TLK1: variants seen among roughly 807,000 people sequenced by gnomAD.
TLK1 encodes the protein serine/threonine-protein kinase tousled-like 1.
A neutral mutation model predicts 105.3 loss-of-function variants in TLK1; 24 were observed. The ratio of observed to expected loss-of-function variants is 0.23; its 90% CI spans 0.17 to 0.32. The LOEUF is 0.32. TLK1 is among the 10% of genes least tolerant of loss of function. The pLI is 1.00. For missense variants in TLK1, 558 were observed against 910.5 expected (o/e 0.61, Z 4.98); for synonymous variants, 321 against 310.4 (o/e 1.03, Z -0.36).
intron 1 of TLK1, among the ~76,000 whole-genome samples, chr2:171,144,437 T>C (rs796929139): frequency 2.8e-4 from 42 of 152,074 alleles, no homozygotes; most frequent in African/African-American, 9.9e-4. Context: ...AAAACCAGCA[T>C]CAACAAACTG....
chr2:171,137,330 A>G (rs1691367518), intron 1 of TLK1, among the ~76,000 whole-genome samples: 1 of 152,150 alleles, frequency 6.6e-6, no homozygotes, highest in Non-Finnish European at 1.5e-5. Flanking sequence ...ATCCCAAATA[A>G]GGAATTAGAT....
At chr2:171,071,388 C>T (rs960632685) in intron 3 of TLK1, among the ~76,000 whole-genome samples, 2 of 152,048 alleles carry the variant, frequency 1.3e-5, no homozygotes, top group Non-Finnish European at 2.9e-5. Flanking sequence ...CCCGGGTTCA[C>T]GCCATTCTCC....
chr2:171,158,881 G>A (rs1320933495), intron 1 of TLK1, among the ~76,000 whole-genome samples: 2 of 152,170 alleles, frequency 1.3e-5, no homozygotes, highest in Non-Finnish European at 2.9e-5. Flanking sequence ...TAAGATGAAA[G>A]GGGGAAACGT....
At chr2:171,206,520 T>A (rs1265369580) in intron 1 of TLK1, among the ~76,000 whole-genome samples, 1 of 152,166 alleles carries the variant, frequency 6.6e-6, no homozygotes, top group Non-Finnish European at 1.5e-5. Flanking sequence ...AAGGGGCCTA[T>A]CACTTCTAGG....
chr2:171,033,424 G>T (rs1686146982), intron 11 of TLK1, among the ~76,000 whole-genome samples: 1 of 151,644 alleles, frequency 6.6e-6, no homozygotes, highest in African/African-American at 2.4e-5. Context: ...AGGCTGGGAA[G>T]GACAGTGGGG....
chr2:171,149,916 G>A (rs892885777), intron 1 of TLK1, among the ~76,000 whole-genome samples: 1 of 150,960 alleles, frequency 6.6e-6, no homozygotes, highest in Non-Finnish European at 1.5e-5. Context: ...CAAGAAAAAG[G>A]AAAAAGAAAA....
chr2:171,049,532 T>C (rs1687132788), intron 10 of TLK1, among the ~76,000 whole-genome samples: 1 of 152,128 alleles, frequency 6.6e-6, no homozygotes, highest in Admixed American at 6.5e-5. Context: ...TTTCAACAAT[T>C]TCCCTCTCAA....
chr2:171,058,832 C>G (rs1170913758), intron 4 of TLK1, among the ~76,000 whole-genome samples: 1 of 152,048 alleles, frequency 6.6e-6, no homozygotes, highest in Non-Finnish European at 1.5e-5. Flanking sequence ...AGTAACCATC[C>G]TTGACTGGAA....
chr2:171,056,691 C>G (rs1687518103), intron 5 of TLK1, 125 bp from the exon 6 acceptor site: 1 of 620,224 alleles, frequency 1.6e-6, no homozygotes, highest in African/African-American at 2.1e-5. Context: ...TTAAATGGGT[C>G]CAGAACAAAA....
At chr2:171,080,915 C>T (rs1575581768) in intron 3 of TLK1, among the ~76,000 whole-genome samples, 1 of 152,006 alleles carries the variant, frequency 6.6e-6, no homozygotes, top group East Asian at 1.9e-4. Flanking sequence ...TGCCATGTTG[C>T]CCAGGCTGGT....
intron 12 of TLK1, among the ~76,000 whole-genome samples, chr2:171,025,459 AG>A (rs1359853662): frequency 6.6e-6 from 1 of 152,186 alleles, no homozygotes; most frequent in African/African-American, 2.4e-5. Flanking sequence ...GAAGGGAGAA[AG>A]GGCAAGAGAG....
chr2:171,070,331 G>T (rs2356593), intron 3 of TLK1, among the ~76,000 whole-genome samples: 87,007 of 151,564 alleles, frequency 0.57, 26,850 homozygotes, highest in East Asian at 0.95. Context: ...ATTAAATTAT[G>T]TTTGACTATA....
chr2:171,108,413 A>G (rs1261341377), intron 2 of TLK1, among the ~76,000 whole-genome samples: 1 of 152,198 alleles, frequency 6.6e-6, no homozygotes, highest in African/African-American at 2.4e-5. Flanking sequence ...ACTTTAAAAC[A>G]TCAGGAAAAA....
In TLK1 at chr2:171,160,227, G is replaced by T. The variant is rs1027505929; in HGVS notation, c.139+63C>A. On this transcript the variant is annotated intron_variant, in intron 1 of 20. Transcript: ENST00000431350. The surrounding 1 kb of genome is among the most constrained non-coding windows in gnomAD (Gnocchi z 4.4). ...CCGGGGCGGGGGGGGCGGGGGGGGG[G>T]CGCGGGGGTCCGCGGCGCGGGAGAG... The T allele has an allele frequency of 7.8e-7, 1 of 1,287,736 alleles. No individual in the cohort carries two copies. Among genetic ancestry groups the T allele is most frequent in the African/African-American group, 1.6e-5 (1 of 62,920 alleles). The allele number at this position is 1,287,736 out of a possible 1,614,324, so 79.8% of individuals were successfully genotyped here. A position where few individuals can be genotyped will look rare whatever the true frequency, so the allele number is the denominator to read the frequency against.
intron 10 of TLK1, among the ~76,000 whole-genome samples, chr2:171,048,198 C>T (rs1181789332): frequency 4.8e-5 from 2 of 41,874 alleles, no homozygotes; most frequent in Non-Finnish European, 2.1e-4. Flanking sequence ...ATCCTCCCAA[C>T]TCGGCCTCCC....
chr2:171,003,959 G>A (rs745315824), intron 18 of TLK1, among the ~76,000 whole-genome samples: 1 of 151,816 alleles, frequency 6.6e-6, no homozygotes, highest in Non-Finnish European at 1.5e-5. Flanking sequence ...AATTTTTTCA[G>A]TATTTTTTTT....
At chr2:171,034,434 C>G (rs1317676665) in intron 11 of TLK1, among the ~76,000 whole-genome samples, 5 of 152,146 alleles carry the variant, frequency 3.3e-5, no homozygotes, top group African/African-American at 1.2e-4. Flanking sequence ...CTGATACATG[C>G]TACAACATGA....
At chr2:171,114,777 G>A (rs931470313) in intron 2 of TLK1, among the ~76,000 whole-genome samples, 9 of 152,268 alleles carry the variant, frequency 5.9e-5, no homozygotes, top group Non-Finnish European at 1.3e-4. Context: ...AGAAGGTGCA[G>A]TGAGCCAAGA....
chr2:171,088,566 T>A (rs1169936451), intron 2 of TLK1, among the ~76,000 whole-genome samples: 2 of 152,154 alleles, frequency 1.3e-5, no homozygotes. Context: ...TAATTTCAAA[T>A]TCTAGAGACA....
Sources: gnomAD v4.1 joint callset for allele counts (sites outside exome capture counted in the v4.1 genomes callset) on GRCh38, gnomAD v4.1.1 for gene constraint, Gnocchi (gnomAD v3.1) non-coding constraint, MANE v1.5 for transcripts, NCBI Gene and HGNC (gene_info 2026-07-23, HGNC 2026-07-21) for gene names.